Variants in EPHA5 observed in about 807,000 individuals in gnomAD.
EPHA5 encodes EPH receptor A5, also known as ephrin type-A receptor 5.
Under a neutral mutation model 105.0 loss-of-function variants are expected in EPHA5, and 60 were observed. That is an observed-to-expected ratio of 0.57 (90% CI 0.46 to 0.71). The LOEUF is 0.71. EPHA5 is among the 30% of genes least tolerant of loss of function. The probability of loss-of-function intolerance (pLI) is 0.00; values close to 1 mark genes in which losing one functional copy is unlikely to be tolerated. For missense variants in EPHA5, 1,218 were observed against 1,274.7 expected (o/e 0.96, Z 0.68); for synonymous variants, 513 against 449.1 (o/e 1.14, Z -1.80).
chr4:65,418,862 CTTTTTTTTTTTTTTTTTTT>C lies in EPHA5; in HGVS notation c.1527+1560_1527+1578del, dbSNP rs575608289. On this transcript the variant is annotated intron_variant, in intron 6 of 16. Coordinates refer to ENST00000613740, the MANE Select transcript of EPHA5 (RefSeq NM_001281766.3). ...AACATTCAATACACTTACCTAAACTCTTTTTTTTTTTTTTTTTTTTTTTTTTTTTTTTTGCTTCGAGACT... is the reference window on the plus strand; with the variant it reads ...AACATTCAATACACTTACCTAAACTCTTTTTTTTTTTTTTGCTTCGAGACT... Among the ~76,000 whole-genome samples the C allele has an allele frequency of 4.9e-3, 232 of 47,092 alleles. 6 individuals are homozygous for C. In the East Asian group the frequency reaches 0.074, roughly 15 times the overall value. 30.9% of individuals were successfully genotyped at this position (47,092 alleles called of 152,430 possible). A position where few individuals can be genotyped will look rare whatever the true frequency, so the allele number is the denominator to read the frequency against.
At chr4:65,412,112 C>T (rs1359019280) in intron 7 of EPHA5, among the ~76,000 whole-genome samples, 1 of 152,062 alleles carries the variant, frequency 6.6e-6, no homozygotes, top group Non-Finnish European at 1.5e-5. Context: ...CCTGTGATCC[C>T]AGCTACTTGA....
chr4:65,649,118 T>C (rs1057043925), intron 1 of EPHA5, among the ~76,000 whole-genome samples: 1 of 152,212 alleles, frequency 6.6e-6, no homozygotes, highest in Non-Finnish European at 1.5e-5. Context: ...ATATGCATAG[T>C]CTTTTTTAGA....
intron 8 of EPHA5, chr4:65,377,157 T>G: frequency 8.1e-7 from 1 of 1,231,696 alleles, no homozygotes; most frequent in Non-Finnish European, 1.1e-6. Context: ...GGTGTCTGCT[T>G]TCCTTTTCAA....
At chr4:65,657,755 A>G (rs960986032) in intron 1 of EPHA5, among the ~76,000 whole-genome samples, 1 of 152,106 alleles carries the variant, frequency 6.6e-6, no homozygotes, top group African/African-American at 2.4e-5. Flanking sequence ...TAAGTTACTT[A>G]ATAATATTCG....
At chr4:65,465,223 G>A (rs1560566320) in intron 5 of EPHA5, among the ~76,000 whole-genome samples, 1 of 151,886 alleles carries the variant, frequency 6.6e-6, no homozygotes, top group Non-Finnish European at 1.5e-5. Flanking sequence ...GGTTCACAGG[G>A]TCAGGAGTTC....
chr4:65,484,834 ATTTC>A (rs1163452811), intron 5 of EPHA5, among the ~76,000 whole-genome samples: 11 of 151,814 alleles, frequency 7.2e-5, no homozygotes, highest in African/African-American at 2.7e-4. Context: ...AGATAAAGAA[ATTTC>A]AGAGTAACTG....
intron 14 of EPHA5, among the ~76,000 whole-genome samples, chr4:65,340,588 G>C (rs1721616300): frequency 6.6e-6 from 1 of 152,084 alleles, no homozygotes; most frequent in South Asian, 2.1e-4. Flanking sequence ...AGTGGATAGT[G>C]GAGGAGGGGG....
At chr4:65,480,441 C>A (rs1017175269) in intron 5 of EPHA5, among the ~76,000 whole-genome samples, 3 of 152,238 alleles carry the variant, frequency 2.0e-5, no homozygotes, top group South Asian at 4.1e-4. Context: ...ACCAAACCAA[C>A]GGGCCCAGGC....
At chr4:65,429,649 C>A (rs996144533) in intron 5 of EPHA5, among the ~76,000 whole-genome samples, 1 of 151,880 alleles carries the variant, frequency 6.6e-6, no homozygotes, top group Non-Finnish European at 1.5e-5. Flanking sequence ...GCCAAATGAA[C>A]AACAGAATAA....
At chr4:65,440,499 T>C (rs377355918) in intron 5 of EPHA5, among the ~76,000 whole-genome samples, 9 of 143,434 alleles carry the variant, frequency 6.3e-5, no homozygotes, top group Admixed American at 1.4e-4. Flanking sequence ...TCCTAAATCT[T>C]ACACACACAC....
Position 65,420,534 on chromosome 4 carries a change from C to A in EPHA5, c.1434G>T (p.Gly478=). Residue 478 remains glycine (G), a synonymous_variant, in exon 6 of 17, where the codon GGG becomes GGT. Coordinates refer to ENST00000613740, the MANE Select transcript of EPHA5 (RefSeq NM_001281766.3). ...APSPVTNVKK[G]KIAKNSISLS... ...AAGAGATGCTGTTTTTTGCAATTTT[C>A]CCTTTTTTCACATTGGTGACTGGAG... 6.2e-7 allele frequency: 1 copy of A among 1,612,584 alleles called. No individual in the cohort carries two copies. Among genetic ancestry groups the A allele is most frequent in the South Asian group, 1.1e-5 (1 of 90,974 alleles).
intron 1 of EPHA5, 62 bp from the exon 2 acceptor site, chr4:65,643,489 T>C: frequency 7.5e-7 from 1 of 1,342,064 alleles, no homozygotes; most frequent in South Asian, 1.2e-5. Flanking sequence ...TGTATCTCTA[T>C]TTTAATAGTG....
At chr4:65,377,172 A>T (rs948154047) in intron 8 of EPHA5, 2 of 994,778 alleles carry the variant, frequency 2.0e-6, no homozygotes, top group Non-Finnish European at 2.8e-6. Flanking sequence ...TTTCAAAATC[A>T]AAAACCTCTA....
chr4:65,332,719 A>T (rs552329768), intron 15 of EPHA5, among the ~76,000 whole-genome samples: 5 of 151,928 alleles, frequency 3.3e-5, no homozygotes, highest in Admixed American at 6.6e-5. Flanking sequence ...TTCTCTAAAA[A>T]TCAGTCTACT....
chr4:65,420,371 T>G, intron 6 of EPHA5, 70 bp downstream of exon 6: 1 of 1,427,972 alleles, frequency 7.0e-7, no homozygotes, highest in Non-Finnish European at 9.5e-7. Context: ...CTTCTGCAAG[T>G]TGGATAATTG....
At chr4:65,614,781 T>G (rs975876914) in intron 2 of EPHA5, among the ~76,000 whole-genome samples, 2 of 151,786 alleles carry the variant, frequency 1.3e-5, no homozygotes, top group Non-Finnish European at 3.0e-5. Flanking sequence ...CTTTGGGAAG[T>G]GTTTGGAAAT....
At chr4:65,408,508 C>A (rs1722588578) in intron 7 of EPHA5, among the ~76,000 whole-genome samples, 1 of 152,038 alleles carries the variant, frequency 6.6e-6, no homozygotes, top group Non-Finnish European at 1.5e-5. Context: ...AAACAAACAA[C>A]CCCATTAAAA....
chr4:65,346,241 ATAAG>A (rs1475721027), intron 14 of EPHA5, among the ~76,000 whole-genome samples: 23 of 152,064 alleles, frequency 1.5e-4, no homozygotes, highest in African/African-American at 5.3e-4. Context: ...GTCTCATTGT[ATAAG>A]TAAGTACATT....
rs910477227 is a variant in EPHA5 at position 65,331,786 on chromosome 4, G to T, written c.2945+187C>A. ...TATTTGTTTGAAGCAAAGAAGCAAAGATACTGGCCACATGTAGCATTAACC... is the reference window on the plus strand; with the variant it reads ...TATTTGTTTGAAGCAAAGAAGCAAATATACTGGCCACATGTAGCATTAACC... On this transcript the variant is annotated intron_variant, in intron 16 of 16. Coordinates refer to ENST00000613740, the MANE Select transcript of EPHA5 (RefSeq NM_001281766.3). The T allele has an allele frequency of 1.4e-5, 18 of 1,249,670 alleles. No homozygotes were observed. In the Admixed American group the frequency reaches 4.5e-4, roughly 31 times the overall value. 77.4% of individuals were successfully genotyped at this position (1,249,670 alleles called of 1,614,324 possible). A position where few individuals can be genotyped will look rare whatever the true frequency, so the allele number is the denominator to read the frequency against.
Sources: gnomAD v4.1 joint callset for allele counts (sites outside exome capture counted in the v4.1 genomes callset) on GRCh38, gnomAD v4.1.1 for gene constraint, MANE v1.5 for transcripts, NCBI Gene and HGNC (gene_info 2026-07-23, HGNC 2026-07-21) for gene names.